The following POLR2F variants were observed in gnomAD, a reference collection of about 807,000 sequenced individuals.
POLR2F encodes RNA polymerase II, I and III subunit F, also known as DNA-directed RNA polymerases I, II, and III subunit RPABC2.
A neutral mutation model predicts 22.7 loss-of-function variants in POLR2F; 12 were observed. The ratio of observed to expected loss-of-function variants is 0.53; its 90% CI spans 0.34 to 0.86. The LOEUF is 0.86. Ranked by LOEUF, POLR2F falls within the 40% of genes least tolerant of loss-of-function variation. POLR2F has a pLI of 0.02. For synonymous variants in POLR2F, 57 were observed against 66.0 expected, an observed-to-expected ratio of 0.86 and a Z score of 0.66; for missense variants, 126 against 171.5, an observed-to-expected ratio of 0.73 and a Z score of 1.48.
chr22:37,986,604 C>T lies in POLR2F; in HGVS notation c.120+292C>T, dbSNP rs752104951. 2 of 691,264 alleles carry T rather than the reference C, an allele frequency of 2.9e-6. No homozygotes were observed. Among genetic ancestry groups the T allele is most frequent in the South Asian group, 1.5e-5 (1 of 66,716 alleles). 42.8% of individuals were successfully genotyped at this position (691,264 alleles called of 1,614,324 possible). On this transcript the variant is annotated intron_variant, in intron 1 of 2. Coordinates refer to the POLR2F transcript ENST00000333418. The surrounding 1 kb of genome is among the most constrained non-coding windows in gnomAD (Gnocchi z 4.7). Reference sequence around the variant, plus strand: ...GCCACGCTAGACAGAAGGGGCCACTCCCTCTCTCTCTCCCTTGTCCCCGCA... The same window carrying T: ...GCCACGCTAGACAGAAGGGGCCACTTCCTCTCTCTCTCCCTTGTCCCCGCA...
chr22:37,958,308 C>T (rs1349538299), intron 2 of POLR2F: 1 of 151,722 alleles, frequency 6.6e-6, no homozygotes, highest in African/African-American at 2.4e-5. Flanking sequence ...CCTGCCTCAG[C>T]CTTCTGAGTA....
intron 1 of POLR2F, among the ~76,000 whole-genome samples, chr22:38,014,806 A>ATTTTTTTT (rs71737468): frequency 8.3e-5 from 8 of 96,912 alleles, no homozygotes; most frequent in East Asian, 3.1e-4. Flanking sequence ...GTATTTTTGT[A>ATTTTTTTT]TTTTTTTTTT....
At chr22:37,988,728 C>G (rs1027184940) in intron 1 of POLR2F, 5 of 154,358 alleles carry the variant, frequency 3.2e-5, no homozygotes, top group African/African-American at 1.2e-4. Context: ...TTCTGAATTT[C>G]TGGGGCTGAG....
upstream of POLR2F, chr22:37,985,990 A>C: frequency 3.4e-6 from 4 of 1,167,022 alleles, no homozygotes; most frequent in Non-Finnish European, 4.5e-6. Context: ...GTTTTCCTCG[A>C]CGCCACCCCC....
At chr22:38,009,405 GGGAGCTGGGGGT>G (rs943025658) in intron 1 of POLR2F, among the ~76,000 whole-genome samples, 2 of 152,238 alleles carry the variant, frequency 1.3e-5, no homozygotes, top group African/African-American at 4.8e-5. Flanking sequence ...GCGGGGGCCA[GGGAGCTGGGGGT>G]GGCCTGGCAG....
chr22:37,999,280 C>G (rs1369516441), intron 1 of POLR2F, among the ~76,000 whole-genome samples: 1 of 152,114 alleles, frequency 6.6e-6, no homozygotes, highest in African/African-American at 2.4e-5. Context: ...GGCTCCAGGC[C>G]CAGTTCAGAC....
chr22:38,004,743 G>A (rs578044670), intron 1 of POLR2F, among the ~76,000 whole-genome samples: 9 of 152,218 alleles, frequency 5.9e-5, no homozygotes, highest in South Asian at 4.2e-4. Flanking sequence ...CCAGGAGCTC[G>A]ACACCAGTCT....
chr22:38,026,378 T>G (rs2085010553), exon 3 of POLR2F: 1 of 500,480 alleles, frequency 2.0e-6, no homozygotes, highest in African/African-American at 2.0e-5. Flanking sequence ...GCACTCACTC[T>G]GCTGTGTGAC....
intron 1 of POLR2F, among the ~76,000 whole-genome samples, chr22:37,998,356 C>T (rs1039595971): frequency 6.6e-6 from 1 of 152,252 alleles, no homozygotes; most frequent in Non-Finnish European, 1.5e-5. Context: ...GAGCCTTCCA[C>T]CTGCCCCTTG....
At chr22:37,989,863 C>G (rs915662801) in intron 1 of POLR2F, among the ~76,000 whole-genome samples, 2 of 152,224 alleles carry the variant, frequency 1.3e-5, no homozygotes, top group Non-Finnish European at 2.9e-5. Context: ...GCTCCACCTT[C>G]CCCTGGAGCG....
At chr22:37,955,834 C>G (rs1322381801) in intron 1 of POLR2F, among the ~76,000 whole-genome samples, 3 of 151,586 alleles carry the variant, frequency 2.0e-5, no homozygotes, top group Admixed American at 2.0e-4. Flanking sequence ...AGGCGCCCAC[C>G]ACCACACCCG....
downstream of POLR2F, chr22:37,971,186 C>G (rs1932040066): frequency 2.1e-6 from 1 of 468,072 alleles, no homozygotes; most frequent in Non-Finnish European, 4.4e-6. Context: ...CTGCAAACCA[C>G]AGGCAGGTGG....
chr22:37,994,622 C>T (rs1473999094), intron 1 of POLR2F, among the ~76,000 whole-genome samples: 1 of 152,166 alleles, frequency 6.6e-6, no homozygotes, highest in Non-Finnish European at 1.5e-5. Flanking sequence ...GGGTTCATGC[C>T]ATTCTCCTGT....
At position 37,978,852 on chromosome 22, in the gene POLR2F, C is replaced by T. The variant is rs191265500; in HGVS notation, c.293+11682C>T. ...AGCTCAGTGGTATGATCTCAGCTCA[C>T]TGCAACCTCTGCCTCCCAGGTTCAA... On this transcript the variant is annotated intron_variant, in intron 4 of 4. Transcript: ENST00000405557. This position sits in a 1 kb window ranked among gnomAD's most constrained non-coding sequence, Gnocchi z 5.0. Among the ~76,000 whole-genome samples the T allele has an allele frequency of 7.9e-5, 12 of 152,238 alleles. No homozygotes were observed. The East Asian group carries it at 2.1e-3, about 27-fold the overall frequency.
intron 1 of POLR2F, among the ~76,000 whole-genome samples, chr22:37,999,647 C>T (rs971386485): frequency 6.6e-5 from 10 of 152,166 alleles, no homozygotes; most frequent in African/African-American, 1.2e-4. Context: ...CTCTGTGGGA[C>T]GCAGAGGCAG....
upstream of POLR2F, among the ~76,000 whole-genome samples, chr22:37,981,715 G>T (rs1255749356): frequency 6.6e-6 from 1 of 152,186 alleles, no homozygotes; most frequent in Non-Finnish European, 1.5e-5. Context: ...TTGTCCCCTG[G>T]CACTAAAGAT....
intron 1 of POLR2F, among the ~76,000 whole-genome samples, chr22:37,954,432 A>G (rs1156659717): frequency 6.6e-6 from 1 of 151,854 alleles, no homozygotes; most frequent in Non-Finnish European, 1.5e-5. Flanking sequence ...CCTCCCGACT[A>G]GCTGGGATTA....
chr22:37,960,398 A>AT lies in POLR2F; in HGVS notation c.221+928dup, dbSNP rs1421943615. On this transcript the variant is annotated intron_variant, in intron 3 of 4. Coordinates refer to ENST00000442738, the MANE Select transcript of POLR2F (RefSeq NM_021974.5). ...ACCACCACACCTGGCTAATTTTTGTATTTTTTCTTTTTTCTTTGAGATGGA... is the reference window on the plus strand; with the variant it reads ...ACCACCACACCTGGCTAATTTTTGTATTTTTTTCTTTTTTCTTTGAGATGGA... 3.4e-5 allele frequency among the ~76,000 whole-genome samples: 5 copies of AT among 148,978 alleles called. No homozygotes were observed. In the East Asian group the frequency reaches 9.9e-4, roughly 30 times the overall value.
intron 3 of POLR2F, among the ~76,000 whole-genome samples, chr22:37,963,185 C>T (rs1931719057): frequency 6.6e-6 from 1 of 151,894 alleles, no homozygotes; most frequent in Admixed American, 6.6e-5. Flanking sequence ...CGGGGTTTCA[C>T]CATGTTCGTT....
Sources: allele counts gnomAD v4.1 joint callset (sites outside exome capture counted in the v4.1 genomes callset), GRCh38; gene constraint gnomAD v4.1.1; non-coding constraint Gnocchi (gnomAD v3.1); transcripts MANE v1.5; gene names NCBI Gene and HGNC (gene_info 2026-07-23, HGNC 2026-07-21).